ALOX12B: variants seen among roughly 807,000 people sequenced by gnomAD.
The protein encoded by ALOX12B is arachidonate 12-lipoxygenase, 12R type, also known as arachidonate 12-lipoxygenase, 12R-type.
In ALOX12B, 47 loss-of-function variants were observed where a neutral mutation model predicts 78.9. That is an observed-to-expected ratio of 0.60 (90% CI 0.47 to 0.76). ALOX12B has a LOEUF of 0.76. Ranked by LOEUF, ALOX12B falls within the 30% of genes least tolerant of loss-of-function variation. ALOX12B has a pLI of 0.00. For synonymous variants in ALOX12B, 370 were observed against 374.5 expected, an observed-to-expected ratio of 0.99 and a Z score of 0.14; for missense variants, 805 against 922.6, an observed-to-expected ratio of 0.87 and a Z score of 1.65.
intron 12 of ALOX12B, 76 bp from the exon 13 acceptor site, chr17:8,073,833 GC>G (rs1228954922): frequency 1.0e-5 from 12 of 1,183,236 alleles, no homozygotes; most frequent in Middle Eastern, 1.9e-4. Context: ...GCGCCACCAT[GC>G]CCCGCTCTCA....
Position 8,081,651 on chromosome 17 carries a change from AT to A in ALOX12B, c.353-465del, listed in dbSNP as rs1030923441. On this transcript the variant is annotated intron_variant, in intron 2 of 14. Transcript: ENST00000647874. Reference sequence around the variant, plus strand: ...TGTTTTGCTATGTCCATGTGTACACATTTTTTTTTTAATGGAGTCTCGTTCT... The same window carrying A: ...TGTTTTGCTATGTCCATGTGTACACATTTTTTTTTAATGGAGTCTCGTTCT... 6.8e-3 allele frequency: 1,185 copies of A among 174,948 alleles called. 1 individual carries two copies. Among genetic ancestry groups the A allele is most frequent in the South Asian group, 0.017 (149 of 8,900 alleles). 10.8% of individuals were successfully genotyped at this position (174,948 alleles called of 1,614,324 possible).
chr17:8,080,883 C>A lies in ALOX12B; in HGVS notation c.527+1G>T, dbSNP rs1356373737. The A allele has an allele frequency of 1.2e-6, 2 of 1,613,964 alleles. No homozygotes were observed. The highest frequency in any genetic ancestry group is 1.1e-5 in the South Asian group (1 of 91,090). ...GGCCCAGCACAGCTTCGGGTCCTTA[C>A]TCAGGCCGGTTGGGGTTGCGATGCC... On this transcript the variant is annotated splice_donor_variant, in intron 4 of 14. Transcript: ENST00000647874. LOFTEE classifies it high-confidence loss of function. The surrounding 1 kb of genome is among the most constrained non-coding windows in gnomAD (Gnocchi z 4.8).
intron 2 of ALOX12B, 103 bp from the exon 3 acceptor site, chr17:8,081,290 C>G (rs942877804): frequency 1.1e-5 from 13 of 1,193,768 alleles, no homozygotes; most frequent in African/African-American, 7.6e-5. Flanking sequence ...TCTGGGGGGG[C>G]CCATGACCAA....
In ALOX12B at chr17:8,080,631, G is replaced by C. The variant is rs1302635807; in HGVS notation, c.650+27C>G. On this transcript the variant is annotated intron_variant, in intron 5 of 14. Transcript: ENST00000647874. The surrounding 1 kb of genome is among the most constrained non-coding windows in gnomAD (Gnocchi z 4.8). ...AGGGAAAGTTCTTGCAGGAGCCCTCGTTCTCCCGTCACTCACACGGACTCA... is the reference window on the plus strand; with the variant it reads ...AGGGAAAGTTCTTGCAGGAGCCCTCCTTCTCCCGTCACTCACACGGACTCA... The C allele has an allele frequency of 6.2e-7, 1 of 1,613,826 alleles. No homozygotes were observed. Among genetic ancestry groups the C allele is most frequent in the African/African-American group, 1.3e-5 (1 of 74,896 alleles).
intron 2 of ALOX12B, 80 bp from the exon 3 acceptor site, chr17:8,081,267 G>A (rs1165446139): frequency 1.4e-6 from 2 of 1,449,930 alleles, no homozygotes; most frequent in Non-Finnish European, 1.9e-6. Context: ...CAGCTTCTGT[G>A]CCCCAGGTCG....
At chr17:8,073,847 G>GT in intron 12 of ALOX12B, 90 bp from the exon 13 acceptor site, 6 of 1,078,352 alleles carry the variant, frequency 5.6e-6, no homozygotes, top group East Asian at 2.6e-5. Flanking sequence ...CGCTCTCACC[G>GT]TTTTGCAAAA....
rs367768676 is a variant in ALOX12B, at chr17:8,080,892, G to C, written c.519C>G (p.Asn173Lys). The C allele has an allele frequency of 5.6e-6, 9 of 1,614,006 alleles. No individual in the cohort carries two copies. The highest frequency in any genetic ancestry group is 5.5e-5 in the South Asian group (5 of 91,084). The change falls in exon 4 of 15, where the codon AAC becomes AAG. Residue 173 changes from asparagine to lysine, a missense_variant. Transcript: ENST00000647874. This position sits in a 1 kb window ranked among gnomAD's most constrained non-coding sequence, Gnocchi z 4.8. ...CAGCTTCGGGTCCTTACTCAGGCCG[G>C]TTGGGGTTGCGATGCCTCCGCACCG... ...RPPVRRHRNPNRPEWNGYIPG... is the reference protein window; with the variant it reads ...RPPVRRHRNPKRPEWNGYIPG...
chr17:8,075,546 G>T (rs1598178030), intron 12 of ALOX12B, 49 bp downstream of exon 12: 2 of 1,612,592 alleles, frequency 1.2e-6, no homozygotes, highest in Non-Finnish European at 1.7e-6. Context: ...CCTGGGGGCT[G>T]CCCCTCAGTC....
chr17:8,081,011 G>T (rs375789706), intron 3 of ALOX12B, 35 bp from the exon 4 acceptor site: 1 of 1,612,992 alleles, frequency 6.2e-7, no homozygotes, highest in Non-Finnish European at 8.5e-7. Flanking sequence ...CCTCATGCCC[G>T]TGCACCACCC....
chr17:8,083,809 A>C (rs551871815), intron 2 of ALOX12B, among the ~76,000 whole-genome samples: 1 of 152,080 alleles, frequency 6.6e-6, no homozygotes, highest in East Asian at 1.9e-4. Flanking sequence ...CCACCCTATG[A>C]AGTAGGTTCT....
At chr17:8,084,045 C>T (rs185477220) in intron 2 of ALOX12B, among the ~76,000 whole-genome samples, 247 of 152,194 alleles carry the variant, frequency 1.6e-3, no homozygotes, top group African/African-American at 5.5e-3. Flanking sequence ...GTAGTCCCAG[C>T]TACTCAGGAG....
Position 8,087,388 on chromosome 17 carries a change from G to C in ALOX12B, c.55C>G (p.Arg19Gly). 5.6e-6 allele frequency: 9 copies of C among 1,614,214 alleles called. No homozygotes were observed. Among genetic ancestry groups the C allele is most frequent in the Non-Finnish European group, 7.6e-6 (9 of 1,180,044 alleles). The change falls in exon 1 of 15, where the codon CGG (arginine) becomes GGG (glycine). Residue 19 changes from arginine to glycine, a missense_variant. Arg to Gly is a moderately radical substitution (Grantham distance 125). Transcript: ENST00000647874. Reference sequence around the variant, plus strand: ...ACAATGGTCAGTGAGATGGAGTCCCGTGTTCCCGACAAGAGGTCGGTGCCT... The same window carrying C: ...ACAATGGTCAGTGAGATGGAGTCCCCTGTTCCCGACAAGAGGTCGGTGCCT... ...ATGTDLLSGT[R>G]DSISLTIVGT...
At chr17:8,076,632 T>C (rs767613866) in intron 10 of ALOX12B, 25 bp downstream of exon 10, 16 of 1,544,500 alleles carry the variant, frequency 1.0e-5, no homozygotes, top group Non-Finnish European at 1.4e-5. Flanking sequence ...AAATGTCTCG[T>C]TGGGGTTGGG....
Position 8,077,104 on chromosome 17 carries a change from ATAGCGTACCCACGT to A in ALOX12B, c.1147_1160del (p.Thr383CysfsTer20), listed in dbSNP as rs774756645. 6.2e-7 allele frequency: 1 copy of A among 1,614,022 alleles called. No individual in the cohort carries two copies. The highest frequency in any genetic ancestry group is 1.1e-5 in the South Asian group (1 of 91,088). Reference sequence around the variant, plus strand: ...TGGCCTCGTGGCTGTAGAACTCCGCATAGCGTACCCACGTCTTGGCTAGCAGCCAGTCCCACTCA... The same window carrying A: ...TGGCCTCGTGGCTGTAGAACTCCGCACTTGGCTAGCAGCCAGTCCCACTCA... On this transcript the variant is annotated frameshift_variant, in exon 9 of 15. Transcript: ENST00000647874. LOFTEE classifies it high-confidence loss of function.
chr17:8,075,799 C>T (rs1977067682), intron 11 of ALOX12B, 83 bp from the exon 12 acceptor site: 1 of 1,611,732 alleles, frequency 6.2e-7, no homozygotes, highest in Non-Finnish European at 8.5e-7. Context: ...CCCAGGGTGC[C>T]CTGACCTCAG....
Position 8,087,600 on chromosome 17 carries a change from C to T in ALOX12B, c.-158G>A. 6.5e-6 allele frequency: 8 copies of T among 1,238,058 alleles called. No individual in the cohort carries two copies. Among genetic ancestry groups the T allele is most frequent in the Non-Finnish European group, 9.1e-6 (8 of 883,250 alleles). The allele number at this position is 1,238,058 out of a possible 1,614,324, so 76.7% of individuals were successfully genotyped here. On this transcript the variant is annotated 5_prime_UTR_variant, in exon 1 of 15. Coordinates refer to ENST00000647874, the MANE Select transcript of ALOX12B (RefSeq NM_001139.3). ...GAGGTGGCGAGGTGGGGTGACTAGGCCTGCCAGCCAAATTCTGGAAAAGCT... is the reference window on the plus strand; with the variant it reads ...GAGGTGGCGAGGTGGGGTGACTAGGTCTGCCAGCCAAATTCTGGAAAAGCT...
In ALOX12B at chr17:8,072,774, A is replaced by T; in HGVS notation, c.2103T>A (p.Ile701=). The part of the protein sequence containing the change: ...DPVLIENSIS[I] Reference sequence around the variant, plus strand: ...AGGAGAGACGGGAAGCGCGCTCCTAAATAGAAATGCTGTTCTCAATCAGCA... The same window carrying T: ...AGGAGAGACGGGAAGCGCGCTCCTATATAGAAATGCTGTTCTCAATCAGCA... Residue 701 remains isoleucine, a synonymous_variant, in exon 15 of 15, where the codon ATT becomes ATA. Transcript: ENST00000647874. 2 of 1,614,186 alleles carry T rather than the reference A, an allele frequency of 1.2e-6. No homozygotes were observed. The highest frequency in any genetic ancestry group is 1.7e-6 in the Non-Finnish European group (2 of 1,180,026).
In ALOX12B at chr17:8,080,037, T is replaced by C; in HGVS notation, c.755-96A>G. The C allele has an allele frequency of 6.5e-7, 1 of 1,534,850 alleles. No individual in the cohort carries two copies. The highest frequency in any genetic ancestry group is 2.4e-5 in the East Asian group (1 of 42,050). On this transcript the variant is annotated intron_variant, in intron 6 of 14. Transcript: ENST00000647874. This position sits in a 1 kb window ranked among gnomAD's most constrained non-coding sequence, Gnocchi z 4.8. The stretch of plus-strand genomic sequence containing the variant: ...AGAAGACTATGGGCACCGAGAGGAG[T>C]CGGGGAGGAAAACGAGGCCCCCAGC...
Position 8,080,236 on chromosome 17 carries a change from G to A in ALOX12B, c.753C>T (p.Ser251=), listed in dbSNP as rs367679510. 4 of 1,614,044 alleles carry A rather than the reference G, an allele frequency of 2.5e-6. No homozygotes were observed. In the African/African-American group the frequency reaches 5.3e-5, roughly 22 times the overall value. The change falls in exon 6 of 15, where the codon TCC becomes TCT. Residue 251 remains serine (S), a splice_region_variant and synonymous_variant. Coordinates refer to ENST00000647874, the MANE Select transcript of ALOX12B (RefSeq NM_001139.3). The surrounding 1 kb of genome is among the most constrained non-coding windows in gnomAD (Gnocchi z 4.8). Reference sequence around the variant, plus strand: ...GATCCGGGACGCCCCATTCCATACCGGAGACGACAGATTTCTTGCCAGGGA... The same window carrying A: ...GATCCGGGACGCCCCATTCCATACCAGAGACGACAGATTTCTTGCCAGGGA... ...KIFPGKKSVV[S]EYVAEHWAED...
Sources: allele counts gnomAD v4.1 joint callset (sites outside exome capture counted in the v4.1 genomes callset), GRCh38; gene constraint gnomAD v4.1.1; non-coding constraint Gnocchi (gnomAD v3.1); transcripts MANE v1.5; gene names NCBI Gene and HGNC (gene_info 2026-07-23, HGNC 2026-07-21).